Variants in ME3 observed in about 807,000 individuals in gnomAD.
ME3 encodes malic enzyme 3.
ME3 carries 48 observed loss-of-function variants against 68.9 expected under a neutral mutation model. The observed-to-expected ratio is 0.70, with a 90% confidence interval of 0.55 to 0.89. The LOEUF is 0.89. ME3 is among the 40% of genes least tolerant of loss of function. ME3 has a pLI of 0.00. For synonymous variants in ME3, 320 were observed against 318.8 expected, an observed-to-expected ratio of 1.00 and a Z score of -0.04; for missense variants, 675 against 797.4, an observed-to-expected ratio of 0.85 and a Z score of 1.85.
chr11:86,658,087 A>G (rs190850671), intron 2 of ME3, among the ~76,000 whole-genome samples: 1 of 152,002 alleles, frequency 6.6e-6, no homozygotes, highest in Non-Finnish European at 1.5e-5. Context: ...GAGGCCATGA[A>G]AACAGGAGAT....
intron 14 of ME3, 83 bp from the exon 15 acceptor site, chr11:86,441,523 G>A: frequency 7.5e-7 from 1 of 1,327,444 alleles, no homozygotes; most frequent in South Asian, 1.6e-5. Context: ...ATGGGGGAGG[G>A]GAATACACCT....
At chr11:86,572,024 G>C (rs1957826791) in intron 2 of ME3, among the ~76,000 whole-genome samples, 1 of 152,144 alleles carries the variant, frequency 6.6e-6, no homozygotes, top group Non-Finnish European at 1.5e-5. Context: ...AGGATGAGGA[G>C]ACAAAACAAA....
chr11:86,640,554 G>C (rs1479675927), intron 2 of ME3, among the ~76,000 whole-genome samples: 1 of 152,210 alleles, frequency 6.6e-6, no homozygotes. Context: ...ATCTGGCCTG[G>C]TTGTTTTCTT....
chr11:86,446,751 C>A, intron 12 of ME3: 1 of 595,976 alleles, frequency 1.7e-6, no homozygotes, highest in Non-Finnish European at 2.9e-6. Context: ...TGGGGCCAAC[C>A]CAGGACATGA....
At chr11:86,514,971 C>A (rs553659627) in intron 4 of ME3, among the ~76,000 whole-genome samples, 1 of 152,228 alleles carries the variant, frequency 6.6e-6, no homozygotes, top group South Asian at 2.1e-4. Flanking sequence ...TAAATAATTA[C>A]AAATTAGTGT....
At chr11:86,646,622 C>T (rs1945034383) in intron 2 of ME3, among the ~76,000 whole-genome samples, 1 of 152,176 alleles carries the variant, frequency 6.6e-6, no homozygotes. Flanking sequence ...AGTTGGGAAA[C>T]ACACTTCAGG....
intron 2 of ME3, among the ~76,000 whole-genome samples, chr11:86,560,408 T>A (rs1188239061): frequency 6.6e-6 from 1 of 152,090 alleles, no homozygotes; most frequent in African/African-American, 2.4e-5. Flanking sequence ...GAACTATGAG[T>A]CAATTAAGCT....
chr11:86,601,797 A>T (rs1228886730), intron 2 of ME3, among the ~76,000 whole-genome samples: 3 of 152,086 alleles, frequency 2.0e-5, no homozygotes, highest in Non-Finnish European at 4.4e-5. Context: ...GGCTGGTTCA[A>T]TATACACCAA....
At chr11:86,441,353 T>C (rs756711069) in exon 15 of ME3, 2 of 1,613,432 alleles carry the variant, frequency 1.2e-6, no homozygotes, top group African/African-American at 1.3e-5. Flanking sequence ...TAGTCTGGAG[T>C]GTAGACCAGG....
At chr11:86,467,690 C>G (rs1341845003) in intron 7 of ME3, among the ~76,000 whole-genome samples, 1 of 151,048 alleles carries the variant, frequency 6.6e-6, no homozygotes, top group Non-Finnish European at 1.5e-5. Context: ...CTCTCTCTCT[C>G]TCTCACACAC....
At chr11:86,468,390 A>G (rs796299422) in intron 7 of ME3, among the ~76,000 whole-genome samples, 2 of 152,024 alleles carry the variant, frequency 1.3e-5, no homozygotes, top group African/African-American at 2.4e-5. Context: ...TCATTTATCC[A>G]TCCATTCATC....
intron 4 of ME3, among the ~76,000 whole-genome samples, chr11:86,527,512 A>G (rs1954851973): frequency 6.6e-6 from 1 of 152,114 alleles, no homozygotes; most frequent in Non-Finnish European, 1.5e-5. Context: ...AGAATGCCAC[A>G]AAGATAATCC....
At chr11:86,497,175 G>C (rs1157911355) in intron 6 of ME3, among the ~76,000 whole-genome samples, 1 of 152,078 alleles carries the variant, frequency 6.6e-6, no homozygotes, top group African/African-American at 2.4e-5. Flanking sequence ...GTACAGATGG[G>C]ATTTCACCAT....
intron 2 of ME3, among the ~76,000 whole-genome samples, chr11:86,651,409 G>A (rs554840343): frequency 6.6e-6 from 1 of 152,326 alleles, no homozygotes; most frequent in South Asian, 2.1e-4. Flanking sequence ...CCAGAGGAAC[G>A]ATCAGGCAGC....
In ME3 at chr11:86,447,726, C is replaced by T. The variant is rs556149153; in HGVS notation, c.1237+424G>A. On this transcript the variant is annotated intron_variant, in intron 11 of 14. Transcript: ENST00000543262. ...TACAAAAATTAGCCAGGCATGGTGG[C>T]GGGCACCTATAATGCCAGCTACTTG... Among the ~76,000 whole-genome samples, 6 of 152,026 alleles carry T rather than the reference C, an allele frequency of 3.9e-5. No homozygotes were observed. In the South Asian group the frequency reaches 1.3e-3, roughly 32 times the overall value.
intron 8 of ME3, among the ~76,000 whole-genome samples, chr11:86,452,795 A>T (rs527773977): frequency 6.6e-6 from 1 of 152,360 alleles, no homozygotes; most frequent in East Asian, 1.9e-4. Flanking sequence ...GTCTTTAGAT[A>T]ACAGAGTTTT....
chr11:86,609,441 G>T (rs1200358661), intron 2 of ME3, among the ~76,000 whole-genome samples: 1 of 152,108 alleles, frequency 6.6e-6, no homozygotes, highest in East Asian at 1.9e-4. Context: ...TTTGCATCCT[G>T]TCACCTAGAC....
At chr11:86,596,338 G>A (rs931971853) in intron 2 of ME3, among the ~76,000 whole-genome samples, 1 of 152,158 alleles carries the variant, frequency 6.6e-6, no homozygotes, top group Admixed American at 6.5e-5. Flanking sequence ...AGAATGTAAA[G>A]TGCCCTGTAA....
intron 2 of ME3, among the ~76,000 whole-genome samples, chr11:86,584,992 C>G (rs1208388491): frequency 6.6e-6 from 1 of 152,158 alleles, no homozygotes. Context: ...AATAATACAT[C>G]TTCAAACATA....
Sources: gnomAD v4.1 joint callset for allele counts (sites outside exome capture counted in the v4.1 genomes callset) on GRCh38, gnomAD v4.1.1 for gene constraint, MANE v1.5 for transcripts, NCBI Gene and HGNC (gene_info 2026-07-23, HGNC 2026-07-21) for gene names.